FGGY: variants seen among roughly 807,000 people sequenced by gnomAD.
FGGY encodes FGGY carbohydrate kinase domain containing, also known as FGGY carbohydrate kinase domain-containing protein.
FGGY carries 72 observed loss-of-function variants against 71.3 expected under a neutral mutation model. That is an observed-to-expected ratio of 1.01 (90% CI 0.84 to 1.23). FGGY has a LOEUF of 1.23. Ranked by LOEUF, FGGY falls within the 50% of genes most tolerant of loss-of-function variation. The pLI, the probability that FGGY is intolerant of heterozygous loss-of-function variation, is 0.00. For synonymous variants in FGGY, 251 were observed against 250.3 expected (o/e 1.00, Z -0.02); for missense variants, 668 against 682.3 (o/e 0.98, Z 0.23).
intron 7 of FGGY, 107 bp from the exon 8 acceptor site, chr1:59,554,017 T>C (rs1265088650): frequency 2.3e-6 from 2 of 851,412 alleles, no homozygotes; most frequent in Non-Finnish European, 1.8e-6. Flanking sequence ...CCTTCCTCCA[T>C]GTTGTTTGAC....
At chr1:59,533,273 C>A (rs1178016789) in intron 7 of FGGY, among the ~76,000 whole-genome samples, 1 of 152,226 alleles carries the variant, frequency 6.6e-6, no homozygotes, top group Non-Finnish European at 1.5e-5. Flanking sequence ...GTGACTCCCA[C>A]CCGAATATTG....
chr1:59,481,909 G>A (rs959206823), intron 6 of FGGY, among the ~76,000 whole-genome samples: 1 of 152,146 alleles, frequency 6.6e-6, no homozygotes, highest in Non-Finnish European at 1.5e-5. Flanking sequence ...CTATTTCACA[G>A]AGTATCTTAT....
intron 5 of FGGY, among the ~76,000 whole-genome samples, chr1:59,393,949 G>GCA (rs2061008453): frequency 6.6e-6 from 1 of 152,152 alleles, no homozygotes; most frequent in Non-Finnish European, 1.5e-5. Flanking sequence ...TTTGCTGCTT[G>GCA]CACACACATA....
chr1:59,360,248 C>G (rs1473232882), intron 4 of FGGY, among the ~76,000 whole-genome samples: 5 of 152,056 alleles, frequency 3.3e-5, no homozygotes, highest in Non-Finnish European at 7.4e-5. Context: ...AGCCCTGAAA[C>G]TCTCCTTCGT....
At chr1:59,675,998 A>G (rs963885888) in intron 14 of FGGY, among the ~76,000 whole-genome samples, 8 of 152,162 alleles carry the variant, frequency 5.3e-5, no homozygotes, top group Non-Finnish European at 8.8e-5. Context: ...ATGTGAGGAC[A>G]CAGCAAGAAG....
chr1:59,385,651 A>G (rs910168384), intron 5 of FGGY, among the ~76,000 whole-genome samples: 6 of 152,150 alleles, frequency 3.9e-5, no homozygotes, highest in African/African-American at 1.4e-4. Flanking sequence ...TTCTCCCTCT[A>G]AAGAGATTTG....
At position 59,376,428 on chromosome 1, in the gene FGGY, G is replaced by T. The variant is rs528232019; in HGVS notation, c.466-2321G>T. Among the ~76,000 whole-genome samples, 3 of 152,298 alleles carry T rather than the reference G, an allele frequency of 2.0e-5. 1 individual carries two copies. The South Asian group carries it at 6.2e-4, about 32-fold the overall frequency. On this transcript the variant is annotated intron_variant, in intron 4 of 15. Transcript: ENST00000303721. ...GCACTTGGGATAGTACCGTTTATCT[G>T]CTGTAAATAGATGTTGGTGTTTATA...
chr1:59,346,132 T>G, intron 3 of FGGY, 115 bp from the exon 4 acceptor site: 1 of 1,335,418 alleles, frequency 7.5e-7, no homozygotes, highest in Non-Finnish European at 1.0e-6. Flanking sequence ...ACACTCTTGA[T>G]ACATAAAATT....
intron 9 of FGGY, among the ~76,000 whole-genome samples, chr1:59,618,359 G>A (rs2096777104): frequency 6.6e-6 from 1 of 152,100 alleles, no homozygotes; most frequent in Non-Finnish European, 1.5e-5. Context: ...TGAAGAAATA[G>A]GCTGAGAATG....
Position 59,456,955 on chromosome 1 carries a change from T to C in FGGY, c.555-6T>C. 1.2e-6 allele frequency: 2 copies of C among 1,606,122 alleles called. No individual in the cohort carries two copies. The highest frequency in any genetic ancestry group is 8.5e-7 in the Non-Finnish European group (1 of 1,172,820). ...AGTTCTATCTATATCTCTTCTATTTTCTTAGGTCTCTCTGCTCCCTGGTGT... is the reference window on the plus strand; with the variant it reads ...AGTTCTATCTATATCTCTTCTATTTCCTTAGGTCTCTCTGCTCCCTGGTGT... On this transcript the variant is annotated splice_region_variant and splice_polypyrimidine_tract_variant and intron_variant, in intron 5 of 15. Transcript: ENST00000303721.
At chr1:59,538,841 G>T (rs1414125765) in intron 7 of FGGY, among the ~76,000 whole-genome samples, 1 of 114,546 alleles carries the variant, frequency 8.7e-6, no homozygotes, top group African/African-American at 3.4e-5. Context: ...TTTGGGGACT[G>T]TTGTGGGGTG....
At chr1:59,348,363 A>T (rs575031300) in intron 4 of FGGY, among the ~76,000 whole-genome samples, 1 of 152,152 alleles carries the variant, frequency 6.6e-6, no homozygotes, top group Non-Finnish European at 1.5e-5. Flanking sequence ...CGAGTTTCTC[A>T]TCCTTAAATG....
At chr1:59,647,997 T>A (rs545718007) in intron 11 of FGGY, among the ~76,000 whole-genome samples, 10 of 82,498 alleles carry the variant, frequency 1.2e-4, no homozygotes, top group African/African-American at 5.3e-4. Context: ...GAATATGCGG[T>A]GTTTGGTTTT....
At chr1:59,311,184 C>A (rs1283836259) in intron 1 of FGGY, among the ~76,000 whole-genome samples, 1 of 152,008 alleles carries the variant, frequency 6.6e-6, no homozygotes, top group African/African-American at 2.4e-5. Flanking sequence ...GTGTGGAAAG[C>A]CAAGTCATTT....
At chr1:59,662,422 A>G (rs995556464) in intron 12 of FGGY, among the ~76,000 whole-genome samples, 1 of 152,100 alleles carries the variant, frequency 6.6e-6, no homozygotes, top group Admixed American at 6.5e-5. Context: ...TATAATTCCT[A>G]TTCCACAAAC....
chr1:59,409,421 C>G (rs2063248552), intron 5 of FGGY, among the ~76,000 whole-genome samples: 1 of 152,048 alleles, frequency 6.6e-6, no homozygotes, highest in African/African-American at 2.4e-5. Flanking sequence ...AATGTTCAGC[C>G]ATTATTCAAG....
intron 14 of FGGY, among the ~76,000 whole-genome samples, chr1:59,720,530 A>G (rs1205003806): frequency 6.6e-6 from 1 of 152,208 alleles, no homozygotes; most frequent in East Asian, 1.9e-4. Context: ...TTATATATGT[A>G]TATATTAAAT....
chr1:59,588,563 G>T (rs1159791510), intron 8 of FGGY, among the ~76,000 whole-genome samples: 2 of 152,178 alleles, frequency 1.3e-5, no homozygotes, highest in African/African-American at 4.8e-5. Context: ...CCCACAAAGG[G>T]AAGCCCATCA....
At position 59,580,611 on chromosome 1, in the gene FGGY, C is replaced by T. The variant is rs138441896; in HGVS notation, c.903+26384C>T. Among the ~76,000 whole-genome samples the T allele has an allele frequency of 7.8e-4, 118 of 152,256 alleles. 1 individual carries two copies. In the East Asian group the frequency reaches 0.02, roughly 26 times the overall value. ...CTCTTGTTCTTTCTTGATTTTAAGGCTTTAGAGATGACAAATTCAGCAACC... is the reference window on the plus strand; with the variant it reads ...CTCTTGTTCTTTCTTGATTTTAAGGTTTTAGAGATGACAAATTCAGCAACC... On this transcript the variant is annotated intron_variant, in intron 8 of 15. Transcript: ENST00000303721.
Sources: gnomAD v4.1 joint callset for allele counts (sites outside exome capture counted in the v4.1 genomes callset) on GRCh38, gnomAD v4.1.1 for gene constraint, MANE v1.5 for transcripts, NCBI Gene and HGNC (gene_info 2026-07-23, HGNC 2026-07-21) for gene names.